Variants in PLD2 observed in about 807,000 individuals in gnomAD.
PLD2 encodes phospholipase D2, also known as choline phosphatase 2.
PLD2 carries 101 observed loss-of-function variants against 119.8 expected under a neutral mutation model. The ratio of observed to expected loss-of-function variants is 0.84; its 90% confidence interval spans 0.72 to 0.99. The LOEUF is 0.99. PLD2 is among the 50% of genes least tolerant of loss of function. The probability of loss-of-function intolerance (pLI) is 0.00; values close to 1 mark genes in which losing one functional copy is unlikely to be tolerated. For missense variants in PLD2, 1,164 were observed against 1,226.8 expected (o/e 0.95, Z 0.76); for synonymous variants, 494 against 482.8 (o/e 1.02, Z -0.30).
chr17:4,821,675 G>A (rs111382910), intron 23 of PLD2, 118 bp from the exon 24 acceptor site: 12 of 694,982 alleles, frequency 1.7e-5, no homozygotes, highest in Middle Eastern at 3.8e-4. Flanking sequence ...GAATACAGGC[G>A]TGAGCCACCG....
chr17:4,821,370 T>G (rs1907655431), intron 23 of PLD2, among the ~76,000 whole-genome samples: 1 of 152,122 alleles, frequency 6.6e-6, no homozygotes, highest in Admixed American at 6.6e-5. Flanking sequence ...TATTTTACTA[T>G]TTTATATTGC....
At position 4,809,717 on chromosome 17, in the gene PLD2, G is replaced by C; in HGVS notation, c.641G>C (p.Gly214Ala). 1 of 1,614,214 alleles carries C rather than the reference G, an allele frequency of 6.2e-7. No individual in the cohort carries two copies. The highest frequency in any genetic ancestry group is 8.5e-7 in the Non-Finnish European group (1 of 1,180,042). ...GLEGMIRKRS[G>A]GHRVPGLTCC... is the part of the protein sequence containing the mutation. ...GAGGGGATGATCCGGAAGCGCTCAGGTGGCCACCGTGTTCCTGGCCTCACC... is the reference window on the plus strand; with the variant it reads ...GAGGGGATGATCCGGAAGCGCTCAGCTGGCCACCGTGTTCCTGGCCTCACC... Residue 214 changes from glycine (G) to alanine (A), a missense_variant, in exon 8 of 25, where the codon GGT becomes GCT. Gly to Ala is a moderately conservative substitution (Grantham distance 60, BLOSUM62 0). Transcript: ENST00000263088.
chr17:4,819,429 G>C lies in PLD2; in HGVS notation c.2309G>C (p.Gly770Ala), dbSNP rs1306181145. 2 of 1,613,286 alleles carry C rather than the reference G, an allele frequency of 1.2e-6. No individual in the cohort carries two copies. The highest frequency in any genetic ancestry group is 2.7e-5 in the African/African-American group (2 of 74,906). Residue 770 changes from glycine (G) to alanine (A), a missense_variant and splice_region_variant, in exon 23 of 25, where the codon GGT becomes GCT. Gly to Ala is a moderately conservative substitution (Grantham distance 60, BLOSUM62 0). Transcript: ENST00000263088. The surrounding 1 kb of genome is among the most constrained non-coding windows in gnomAD (Gnocchi z 4.2). ...ACAGTGTGCCCCGCATCCACCCCAG[G>C]TTCTGCAAACATCAATGACCGGAGC... ...LIADDRTVII[G>A]SANINDRSLL...
chr17:4,822,529 T>A, intron 24 of PLD2, 111 bp from the exon 25 acceptor site: 1 of 659,394 alleles, frequency 1.5e-6, no homozygotes, highest in Non-Finnish European at 2.5e-6. Context: ...TGGCCCAGGG[T>A]CAACGGGGGG....
intron 19 of PLD2, 22 bp downstream of exon 19, chr17:4,818,407 G>T: frequency 2.5e-6 from 4 of 1,612,284 alleles, no homozygotes; most frequent in Non-Finnish European, 3.4e-6. Context: ...TGTCAGGAAG[G>T]TGGGGACTGT....
rs199749076 is a variant in PLD2, at chr17:4,819,267, C to G, written c.2308+49C>G. On this transcript the variant is annotated intron_variant, in intron 22 of 24. Coordinates refer to ENST00000263088, the MANE Select transcript of PLD2 (RefSeq NM_002663.5). This position sits in a 1 kb window ranked among gnomAD's most constrained non-coding sequence, Gnocchi z 4.2. ...GGCAGGGAGAGGGTGTGGGGACAGG[C>G]GAAGAGATGAGAGGCAGGATGACAG... 3.7e-6 allele frequency: 6 copies of G among 1,608,326 alleles called. No homozygotes were observed. The highest frequency in any genetic ancestry group is 5.1e-6 in the Non-Finnish European group (6 of 1,177,024).
rs372635779 is a variant in PLD2, at chr17:4,819,543, C to T, written c.2423C>T (p.Ala808Val). ...PSLMNGAEYQ[A>V]GRFALSLRKH... is the part of the protein sequence containing the mutation. ...CTCATGAATGGGGCAGAGTATCAGG[C>T]GGGCAGGTTTGCCTTGAGTCTGCGG... Residue 808 changes from alanine to valine, a missense_variant, in exon 23 of 25, where the codon GCG becomes GTG. Coordinates refer to ENST00000263088, the MANE Select transcript of PLD2 (RefSeq NM_002663.5). The surrounding 1 kb of genome is among the most constrained non-coding windows in gnomAD (Gnocchi z 4.2). 4.3e-6 allele frequency: 7 copies of T among 1,613,660 alleles called. No individual in the cohort carries two copies. Among genetic ancestry groups the T allele is most frequent in the African/African-American group, 1.3e-5 (1 of 75,016 alleles).
rs1198452343 is a variant in PLD2, at chr17:4,808,347, G to A, written c.314G>A (p.Arg105His). Reference sequence around the variant, plus strand: ...TCCTGGACAACCAAGAAGAAATACCGTCATTTTCAGGAGCTGCATCGGGAC... The same window carrying A: ...TCCTGGACAACCAAGAAGAAATACCATCATTTTCAGGAGCTGCATCGGGAC... ...DFSWTTKKKY[R>H]HFQELHRDLL... Residue 105 changes from arginine to histidine, a missense_variant, in exon 4 of 25, where the codon CGT (arginine) becomes CAT (histidine). Physicochemically the swap from Arg to His is conservative, Grantham distance 29. Transcript: ENST00000263088. The surrounding 1 kb of genome is among the most constrained non-coding windows in gnomAD (Gnocchi z 4.1). 6.2e-7 allele frequency: 1 copy of A among 1,613,990 alleles called. No individual in the cohort carries two copies. The highest frequency in any genetic ancestry group is 8.5e-7 in the Non-Finnish European group (1 of 1,179,904).
intron 13 of PLD2, 49 bp downstream of exon 13, chr17:4,815,635 C>T: frequency 1.3e-6 from 2 of 1,579,288 alleles, no homozygotes; most frequent in Non-Finnish European, 1.7e-6. Flanking sequence ...CTTCTCCCCA[C>T]ACTGTCCCAG....
rs1906161095 is a variant in PLD2, at chr17:4,809,082, C to T, written c.384-18C>T. Reference sequence around the variant, plus strand: ...AGCCTCCCAGCTCTTACCTGACCTTCATCCATCCTTTCCACAGATTTGCCG... The same window carrying T: ...AGCCTCCCAGCTCTTACCTGACCTTTATCCATCCTTTCCACAGATTTGCCG... On this transcript the variant is annotated intron_variant, in intron 4 of 24. Coordinates refer to ENST00000263088, the MANE Select transcript of PLD2 (RefSeq NM_002663.5). The T allele has an allele frequency of 6.3e-7, 1 of 1,594,990 alleles. No homozygotes were observed. Among genetic ancestry groups the T allele is most frequent in the Non-Finnish European group, 8.6e-7 (1 of 1,162,702 alleles).
In PLD2 at chr17:4,814,458, G is replaced by A. The variant is rs377694883; in HGVS notation, c.1051G>A (p.Ala351Thr). 2.9e-5 allele frequency: 46 copies of A among 1,612,962 alleles called. 1 individual carries two copies. In the South Asian group the frequency reaches 3.7e-4, roughly 13 times the overall value. ...AGGTTACTTTGCTGCTGTGGCAGAT[G>A]CCATCCTTCGAGCTCAAGAGGAGAT... is the stretch of plus-strand genomic sequence containing the variant. Reference protein sequence around the residue: ...GAGYFAAVADAILRAQEEIFI... With the variant: ...GAGYFAAVADTILRAQEEIFI... Residue 351 changes from alanine (A) to threonine (T), a missense_variant, in exon 11 of 25, where the codon GCC (alanine) becomes ACC (threonine). Transcript: ENST00000263088.
intron 10 of PLD2, among the ~76,000 whole-genome samples, chr17:4,812,393 C>G (rs928488507): frequency 3.4e-5 from 5 of 149,090 alleles, no homozygotes; most frequent in Middle Eastern, 3.4e-3. Flanking sequence ...CTCCCCGGTT[C>G]AAGTGATTCT....
chr17:4,818,528 C>A lies in PLD2; in HGVS notation c.2044C>A (p.Pro682Thr). Residue 682 changes from proline (P) to threonine (T), a missense_variant, in exon 20 of 25, where the codon CCC (proline) becomes ACC (threonine). Coordinates refer to ENST00000263088, the MANE Select transcript of PLD2 (RefSeq NM_002663.5). ...GTGTTACCGAGTCTACGTGCTTTTG[C>A]CCTTACTCCCTGGCTTCGAGGGTGA... Reference protein sequence around the residue: ...GWCYRVYVLLPLLPGFEGDIS... With the variant: ...GWCYRVYVLLTLLPGFEGDIS... 6.2e-7 allele frequency: 1 copy of A among 1,613,968 alleles called. No individual in the cohort carries two copies.
At chr17:4,820,147 T>C (rs1489739406) in intron 23 of PLD2, among the ~76,000 whole-genome samples, 2 of 151,346 alleles carry the variant, frequency 1.3e-5, no homozygotes, top group Admixed American at 1.3e-4. Context: ...TTTCGCCGTG[T>C]TGGTCAGGCT....
chr17:4,821,735 G>A (rs1907685795), intron 23 of PLD2, 58 bp from the exon 24 acceptor site: 1 of 1,227,350 alleles, frequency 8.1e-7, no homozygotes, highest in Non-Finnish European at 1.2e-6. Flanking sequence ...AACTTTTCTG[G>A]TACTCAGGTT....
Position 4,819,610 on chromosome 17 carries a change from T to C in PLD2, c.2462+28T>C, listed in dbSNP as rs1597337022. 1.9e-6 allele frequency: 3 copies of C among 1,583,836 alleles called. No individual in the cohort carries two copies. Among genetic ancestry groups the C allele is most frequent in the Non-Finnish European group, 1.7e-6 (2 of 1,163,282 alleles). On this transcript the variant is annotated intron_variant, in intron 23 of 24. Transcript: ENST00000263088. This position sits in a 1 kb window ranked among gnomAD's most constrained non-coding sequence, Gnocchi z 4.2. The stretch of plus-strand genomic sequence containing the variant: ...AGAGCTGGGGCGGGATGCCACAGGG[T>C]GGGAGGGAGATGGGGGCGTCTGCCT...
chr17:4,817,110 G>C (rs376244688), intron 16 of PLD2, 36 bp from the exon 17 acceptor site: 26 of 1,599,260 alleles, frequency 1.6e-5, no homozygotes, highest in Non-Finnish European at 1.9e-5. Flanking sequence ...GGGCAGATTG[G>C]CACCTCCTGC....
chr17:4,815,911 TC>T lies in PLD2; in HGVS notation c.1434del (p.Ser479LeufsTer176). On this transcript the variant is annotated frameshift_variant, in exon 14 of 25. Transcript: ENST00000263088. LOFTEE classifies it high-confidence loss of function. ...LHYRLTDLGD[S>X]SESAASQPPT... ...CTACCGACTGACTGACCTTGGAGAC[TC>T]CTCTGAATCAGCTGCCTCCCAGGTA... 1 of 1,613,926 alleles carries T rather than the reference TC, an allele frequency of 6.2e-7. No individual in the cohort carries two copies. The highest frequency in any genetic ancestry group is 8.5e-7 in the Non-Finnish European group (1 of 1,179,860).
Position 4,815,892 on chromosome 17 carries a change from A to G in PLD2, c.1413A>G (p.Arg471=). The part of the protein sequence containing the change: ...AYGRWDDLHY[R]LTDLGDSSES... ...GCCGCTGGGATGACCTGCACTACCG[A>G]CTGACTGACCTTGGAGACTCCTCTG... The change falls in exon 14 of 25, where the codon CGA becomes CGG. Residue 471 remains arginine, a synonymous_variant. Transcript: ENST00000263088. 6.2e-7 allele frequency: 1 copy of G among 1,613,924 alleles called. No individual in the cohort carries two copies. The highest frequency in any genetic ancestry group is 8.5e-7 in the Non-Finnish European group (1 of 1,179,952).
Sources: gnomAD v4.1 joint callset for allele counts (sites outside exome capture counted in the v4.1 genomes callset) on GRCh38, gnomAD v4.1.1 for gene constraint, Gnocchi (gnomAD v3.1) non-coding constraint, MANE v1.5 for transcripts, NCBI Gene and HGNC (gene_info 2026-07-23, HGNC 2026-07-21) for gene names.